The following SLC14A2 variants were observed in gnomAD, a reference collection of about 807,000 sequenced individuals.
The protein encoded by SLC14A2 is solute carrier family 14 member 2.
In SLC14A2, 91 loss-of-function variants were observed where a neutral mutation model predicts 104.6. The ratio of observed to expected loss-of-function variants is 0.87; its 90% CI spans 0.73 to 1.04. The LOEUF is 1.04. Among genes scored for constraint, SLC14A2 ranks in the 50% least tolerant of loss-of-function variants. The pLI, the probability that SLC14A2 is intolerant of heterozygous loss-of-function variation, is 0.00. For missense variants in SLC14A2, 1,189 were observed against 1,156.0 expected, an observed-to-expected ratio of 1.03 and a Z score of -0.41; for synonymous variants, 476 against 466.4, an observed-to-expected ratio of 1.02 and a Z score of -0.27.
intron 2 of SLC14A2, among the ~76,000 whole-genome samples, chr18:45,513,710 A>T (rs2043398416): frequency 1.3e-5 from 2 of 152,268 alleles, no homozygotes; most frequent in Non-Finnish European, 2.9e-5. Context: ...TCTCAATAAG[A>T]GTTAGGGCTG....
At chr18:45,282,325 T>C (rs2084770876) in intron 1 of SLC14A2, among the ~76,000 whole-genome samples, 1 of 152,126 alleles carries the variant, frequency 6.6e-6, no homozygotes, top group Admixed American at 6.5e-5. Flanking sequence ...CAAGAGCTAT[T>C]TGGACCCCAA....
intron 1 of SLC14A2, among the ~76,000 whole-genome samples, chr18:45,407,587 T>C (rs2086169241): frequency 6.6e-6 from 1 of 152,238 alleles, no homozygotes; most frequent in South Asian, 2.1e-4. Context: ...GCTTTCAGCC[T>C]GTCTTGGCCT....
intron 2 of SLC14A2, among the ~76,000 whole-genome samples, chr18:45,594,971 G>C (rs1274795025): frequency 6.6e-6 from 1 of 151,976 alleles, no homozygotes; most frequent in East Asian, 1.9e-4. Flanking sequence ...ATCCCCTTCA[G>C]AAATGACTGC....
chr18:45,460,761 T>C (rs1490023967), intron 1 of SLC14A2, among the ~76,000 whole-genome samples: 1 of 152,040 alleles, frequency 6.6e-6, no homozygotes, highest in African/African-American at 2.4e-5. Flanking sequence ...TGTAAATCCA[T>C]TTTGCTTTGT....
intron 1 of SLC14A2, among the ~76,000 whole-genome samples, chr18:45,290,013 A>T (rs1488269695): frequency 6.6e-6 from 1 of 152,202 alleles, no homozygotes; most frequent in African/African-American, 2.4e-5. Context: ...CAGACCTTCA[A>T]TTGCCAAGAT....
intron 2 of SLC14A2, among the ~76,000 whole-genome samples, chr18:45,595,608 C>T (rs1199616874): frequency 6.6e-6 from 1 of 152,192 alleles, no homozygotes; most frequent in South Asian, 2.1e-4. Flanking sequence ...CTCGTGGCCT[C>T]TTTCAAGCTT....
chr18:45,439,593 G>A (rs551472863), intron 1 of SLC14A2, among the ~76,000 whole-genome samples: 2 of 152,294 alleles, frequency 1.3e-5, no homozygotes, highest in African/African-American at 4.8e-5. Flanking sequence ...ACAGTCTAGT[G>A]AGGAAGAAAT....
At chr18:45,383,541 T>A (rs775221433) in intron 1 of SLC14A2, among the ~76,000 whole-genome samples, 1 of 152,074 alleles carries the variant, frequency 6.6e-6, no homozygotes, top group Non-Finnish European at 1.5e-5. Context: ...TGTCTACAGG[T>A]TTTCTGATAG....
chr18:45,635,014 G>T, intron 5 of SLC14A2: 1 of 321,180 alleles, frequency 3.1e-6, no homozygotes, highest in Non-Finnish European at 6.1e-6. Context: ...TTGTTGGGAG[G>T]TTGTGGAAAA....
At chr18:45,285,110 G>A (rs888489197) in intron 1 of SLC14A2, among the ~76,000 whole-genome samples, 1 of 152,030 alleles carries the variant, frequency 6.6e-6, no homozygotes, top group African/African-American at 2.4e-5. Context: ...AACACCTTAT[G>A]TAACTATTGT....
At chr18:45,311,331 C>T (rs1304202566) in intron 1 of SLC14A2, among the ~76,000 whole-genome samples, 5 of 152,200 alleles carry the variant, frequency 3.3e-5, no homozygotes, top group African/African-American at 9.7e-5. Flanking sequence ...ACACTCTAAA[C>T]ACATAATCAC....
intron 1 of SLC14A2, among the ~76,000 whole-genome samples, chr18:45,226,551 G>A (rs1001597202): frequency 6.6e-6 from 1 of 151,804 alleles, no homozygotes; most frequent in Admixed American, 6.6e-5. Flanking sequence ...CCATCATTCT[G>A]AGCAAACTAT....
intron 2 of SLC14A2, among the ~76,000 whole-genome samples, chr18:45,584,390 C>CA (rs2044539245): frequency 6.6e-6 from 1 of 152,204 alleles, no homozygotes; most frequent in South Asian, 2.1e-4. Context: ...CCCACACTTA[C>CA]TAATTACCAC....
intron 1 of SLC14A2, among the ~76,000 whole-genome samples, chr18:45,352,361 T>C (rs1030353280): frequency 6.6e-6 from 1 of 152,180 alleles, no homozygotes. Context: ...TTTCCTCTTT[T>C]AGGTAGAGAC....
At chr18:45,557,349 T>C (rs2044146614) in intron 2 of SLC14A2, among the ~76,000 whole-genome samples, 3 of 152,246 alleles carry the variant, frequency 2.0e-5, no homozygotes, top group Admixed American at 1.3e-4. Flanking sequence ...CAGTCGCCAA[T>C]GCGTCTCTTT....
In SLC14A2 at chr18:45,251,009, A is replaced by T. The variant is rs556406535; in HGVS notation, c.-125+37818A>T. Among the ~76,000 whole-genome samples the T allele has an allele frequency of 2.6e-5, 4 of 152,248 alleles. No homozygotes were observed. The South Asian group carries it at 8.3e-4, about 32-fold the overall frequency. Reference sequence around the variant, plus strand: ...AAAACTTCATAATTCAGCCATAGACATTAGAAAAAGAATCTTTTTATTAAT... The same window carrying T: ...AAAACTTCATAATTCAGCCATAGACTTTAGAAAAAGAATCTTTTTATTAAT... On this transcript the variant is annotated intron_variant, in intron 1 of 20. Coordinates refer to the SLC14A2 transcript ENST00000586448.
intron 1 of SLC14A2, among the ~76,000 whole-genome samples, chr18:45,345,871 A>T (rs1207806158): frequency 2.6e-5 from 4 of 152,202 alleles, no homozygotes; most frequent in Non-Finnish European, 4.4e-5. Context: ...GCATATTTAA[A>T]TTTACTAGGT....
chr18:45,403,476 G>A (rs2086118191), intron 1 of SLC14A2, among the ~76,000 whole-genome samples: 1 of 152,098 alleles, frequency 6.6e-6, no homozygotes, highest in African/African-American at 2.4e-5. Flanking sequence ...ATCGCTGTGG[G>A]CCATGGACAC....
intron 1 of SLC14A2, among the ~76,000 whole-genome samples, chr18:45,339,409 G>C (rs1398493429): frequency 2.6e-5 from 4 of 152,184 alleles, no homozygotes; most frequent in African/African-American, 9.7e-5. Flanking sequence ...AATAAAGAAA[G>C]CTGAATGCCT....
Sources: allele counts gnomAD v4.1 joint callset (sites outside exome capture counted in the v4.1 genomes callset), GRCh38; gene constraint gnomAD v4.1.1; transcripts MANE v1.5; gene names NCBI Gene and HGNC (gene_info 2026-07-23, HGNC 2026-07-21).